CPNE5: variants seen among roughly 807,000 people sequenced by gnomAD.
The protein encoded by CPNE5 is copine 5.
In CPNE5, 42 loss-of-function variants were observed where a neutral mutation model predicts 81.1. The ratio of observed to expected loss-of-function variants is 0.52; its 90% CI spans 0.40 to 0.67. The LOEUF (loss-of-function observed/expected upper bound fraction) is 0.67. Among genes scored for constraint, CPNE5 ranks in the 30% least tolerant of loss-of-function variants. CPNE5 has a pLI of 0.00. For missense variants in CPNE5, 612 were observed against 815.5 expected (o/e 0.75, Z 3.04); for synonymous variants, 313 against 321.5 (o/e 0.97, Z 0.28).
intron 19 of CPNE5, among the ~76,000 whole-genome samples, chr6:36,744,013 G>A (rs1763832728): frequency 6.6e-6 from 1 of 152,254 alleles, no homozygotes; most frequent in African/African-American, 2.4e-5. Context: ...AGAAAGAAGT[G>A]ACTTGGGGCC....
chr6:36,756,303 A>G lies in CPNE5; in HGVS notation c.856-5T>C. The G allele has an allele frequency of 1.2e-6, 2 of 1,613,576 alleles. No homozygotes were observed. The highest frequency in any genetic ancestry group is 1.7e-6 in the Non-Finnish European group (2 of 1,179,716). ...TTTCTTTTTCGGGTTTACCACCTGCAGGAAAAACCAGTTACCAGGTAAGGC... is the reference window on the plus strand; with the variant it reads ...TTTCTTTTTCGGGTTTACCACCTGCGGGAAAAACCAGTTACCAGGTAAGGC... On this transcript the variant is annotated splice_polypyrimidine_tract_variant and splice_region_variant and intron_variant, in intron 12 of 20. Transcript: ENST00000244751.
chr6:36,784,305 A>T (rs914056300), intron 8 of CPNE5, among the ~76,000 whole-genome samples: 1 of 152,236 alleles, frequency 6.6e-6, no homozygotes, highest in Non-Finnish European at 1.5e-5. Flanking sequence ...GGGATAAAAC[A>T]GGCCTTCAGA....
chr6:36,834,481 C>G (rs867435019), intron 1 of CPNE5, among the ~76,000 whole-genome samples: 1 of 151,754 alleles, frequency 6.6e-6, no homozygotes, highest in Non-Finnish European at 1.5e-5. Flanking sequence ...CATGGTGAAA[C>G]CCCGTCTCCA....
chr6:36,748,141 G>A, intron 15 of CPNE5, 80 bp downstream of exon 15: 1 of 1,294,942 alleles, frequency 7.7e-7, no homozygotes, highest in Middle Eastern at 1.8e-4. Flanking sequence ...TGAGGGTCAT[G>A]GTCCCAGCCA....
chr6:36,837,734 T>G, intron 1 of CPNE5, among the ~76,000 whole-genome samples: 1 of 150,032 alleles, frequency 6.7e-6, no homozygotes, highest in African/African-American at 2.5e-5. Flanking sequence ...AAAGGAAGAG[T>G]GAAATCTGGA....
chr6:36,792,041 T>C lies in CPNE5; in HGVS notation c.520A>G (p.Asn174Asp). The C allele has an allele frequency of 6.2e-7, 1 of 1,613,932 alleles. No individual in the cohort carries two copies. Among genetic ancestry groups the C allele is most frequent in the Non-Finnish European group, 8.5e-7 (1 of 1,179,808 alleles). Residue 174 changes from asparagine to aspartate, a missense_variant, in exon 8 of 21, where the codon AAC (asparagine) becomes GAC (aspartate). Transcript: ENST00000244751. ...AGTCCTCTGCCACTCACCCTACAGT[T>C]GCTGAGCTCCTCAGCGGACAGGATG... is the stretch of plus-strand genomic sequence containing the variant. ...TIILSAEELS[N>D]CRDVATMQFC...
intron 3 of CPNE5, among the ~76,000 whole-genome samples, chr6:36,813,965 C>G (rs1431214893): frequency 6.6e-6 from 1 of 152,194 alleles, no homozygotes; most frequent in East Asian, 1.9e-4. Context: ...ACAAAGGTCT[C>G]TTAGCCCCTT....
chr6:36,830,955 G>A (rs1772937439), intron 1 of CPNE5, among the ~76,000 whole-genome samples: 1 of 152,264 alleles, frequency 6.6e-6, no homozygotes, highest in Admixed American at 6.5e-5. Context: ...GGAGGCCTCA[G>A]TAGTCTTCTG....
rs565606626 is a variant in CPNE5 at position 36,830,251 on chromosome 6, A to G, written c.96-7153T>C. The stretch of plus-strand genomic sequence containing the variant: ...CAAAGCCAAGGACTCCCAAAGCCCC[A>G]TCTGGGCCAGCAATGCTCCGTCTTA... On this transcript the variant is annotated intron_variant, in intron 1 of 20. Coordinates refer to ENST00000244751, the MANE Select transcript of CPNE5 (RefSeq NM_020939.2). Among the ~76,000 whole-genome samples the G allele has an allele frequency of 3.3e-5, 5 of 152,302 alleles. No homozygotes were observed. In the East Asian group the frequency reaches 5.8e-4, roughly 18 times the overall value.
intron 1 of CPNE5, among the ~76,000 whole-genome samples, chr6:36,827,177 C>T (rs1425512809): frequency 6.6e-6 from 1 of 152,150 alleles, no homozygotes; most frequent in African/African-American, 2.4e-5. Flanking sequence ...GTTCCATTCC[C>T]CACTCTCAGC....
At chr6:36,742,553 C>T (rs1174097197) in intron 20 of CPNE5, 67 bp from the exon 21 acceptor site, 1 of 1,560,272 alleles carries the variant, frequency 6.4e-7, no homozygotes, top group Non-Finnish European at 8.7e-7. Context: ...AATCTCCAGG[C>T]CTGGGGTTGC....
chr6:36,824,342 C>A (rs1772321788), intron 1 of CPNE5, among the ~76,000 whole-genome samples: 1 of 152,184 alleles, frequency 6.6e-6, no homozygotes, highest in African/African-American at 2.4e-5. Context: ...GCCCCAGGGG[C>A]CGCCAGGAGA....
At chr6:36,770,099 C>A (rs1766927625) in intron 10 of CPNE5, among the ~76,000 whole-genome samples, 1 of 152,154 alleles carries the variant, frequency 6.6e-6, no homozygotes, top group Non-Finnish European at 1.5e-5. Context: ...CTGTCATCAC[C>A]CCACTTTACC....
At chr6:36,835,070 G>T (rs1365418234) in intron 1 of CPNE5, among the ~76,000 whole-genome samples, 2 of 152,234 alleles carry the variant, frequency 1.3e-5, no homozygotes, top group African/African-American at 2.4e-5. Flanking sequence ...CAGCTGGTGG[G>T]GAGAGGGAAG....
At chr6:36,835,582 G>A (rs1250250741) in intron 1 of CPNE5, among the ~76,000 whole-genome samples, 2 of 152,174 alleles carry the variant, frequency 1.3e-5, no homozygotes, top group African/African-American at 4.8e-5. Flanking sequence ...GATCACCTGA[G>A]GTCAAGAGTT....
At chr6:36,803,898 A>G (rs1290449841) in intron 3 of CPNE5, among the ~76,000 whole-genome samples, 2 of 152,224 alleles carry the variant, frequency 1.3e-5, no homozygotes, top group Admixed American at 6.5e-5. Context: ...GTGCTTTTTT[A>G]AAGTTCCCTA....
chr6:36,757,576 T>C (rs1351338117), intron 12 of CPNE5, among the ~76,000 whole-genome samples: 1 of 152,108 alleles, frequency 6.6e-6, no homozygotes, highest in Non-Finnish European at 1.5e-5. Context: ...TTGACATACA[T>C]TTATGGGGTG....
intron 3 of CPNE5, among the ~76,000 whole-genome samples, chr6:36,802,244 AAG>A (rs1275135387): frequency 1.4e-5 from 2 of 139,424 alleles, no homozygotes; most frequent in Admixed American, 7.2e-5. Flanking sequence ...AAAAAAAAAA[AAG>A]GTTATGATGG....
At chr6:36,768,008 T>C (rs1766711806) in intron 10 of CPNE5, among the ~76,000 whole-genome samples, 1 of 152,088 alleles carries the variant, frequency 6.6e-6, no homozygotes, top group African/African-American at 2.4e-5. Flanking sequence ...GGATTTGAAC[T>C]TGCAACCCAG....
Sources: gnomAD v4.1 joint callset for allele counts (sites outside exome capture counted in the v4.1 genomes callset) on GRCh38, gnomAD v4.1.1 for gene constraint, MANE v1.5 for transcripts, NCBI Gene and HGNC (gene_info 2026-07-23, HGNC 2026-07-21) for gene names.